Variants in VSIG10L2 observed in about 807,000 individuals in gnomAD.
The protein encoded by VSIG10L2 is V-set and immunoglobulin domain-containing protein 10-like 2.
In VSIG10L2, 56 loss-of-function variants were observed where a neutral mutation model predicts 67.1. The observed-to-expected ratio is 0.83, with a 90% CI of 0.67 to 1.04. The LOEUF (loss-of-function observed/expected upper bound fraction) is 1.04, where lower values mean the gene tolerates loss of function less well. VSIG10L2 is among the 50% of genes least tolerant of loss of function. VSIG10L2 has a pLI of 0.00. For synonymous variants in VSIG10L2, 360 were observed against 396.6 expected (o/e 0.91, Z 1.10); for missense variants, 843 against 932.8 (o/e 0.90, Z 1.25).
At chr11:125,952,152 G>A in intron 6 of VSIG10L2, 79 bp downstream of exon 6, 3 of 1,445,900 alleles carry the variant, frequency 2.1e-6, no homozygotes, top group Non-Finnish European at 2.7e-6. Flanking sequence ...AGAGATCTTA[G>A]GGGGTGGCTG....
At position 125,955,658 on chromosome 11, in the gene VSIG10L2, G is replaced by A; in HGVS notation, c.2275G>A (p.Ala759Thr). Residue 759 changes from alanine to threonine, a missense_variant, in exon 11 of 12, where the codon GCA (alanine) becomes ACA (threonine). Physicochemically the swap from Ala to Thr is moderately conservative, Grantham distance 58. Coordinates refer to ENST00000686984, the MANE Select transcript of VSIG10L2 (RefSeq NM_001365077.2). The part of the protein sequence containing the change: ...QQRGSREDAE[A>T]PAGLETPTTT... ...GAGGGGTTCCAGAGAAGATGCTGAG[G>A]CACCGGCAGGTAAGCACCTTATCCA... 6.5e-7 allele frequency: 1 copy of A among 1,532,894 alleles called. No homozygotes were observed. The allele number at this position is 1,532,894 out of a possible 1,614,324, so 95.0% of individuals were successfully genotyped here. A position where few individuals can be genotyped will look rare whatever the true frequency, so the allele number is the denominator to read the frequency against.
rs934676097 is a variant in VSIG10L2, at chr11:125,950,303, T to G, written c.985+14T>G. The G allele has an allele frequency of 2.4e-6, 3 of 1,232,044 alleles. No individual in the cohort carries two copies. In the African/African-American group the frequency reaches 4.7e-5, roughly 19 times the overall value. The allele number at this position is 1,232,044 out of a possible 1,614,324, so 76.3% of individuals were successfully genotyped here. ...TCACCATCTACTGTGAGTGTGGGGG[T>G]CGGGTGACGCCCAGACCTGTCCTGG... is the stretch of plus-strand genomic sequence containing the variant. On this transcript the variant is annotated intron_variant, in intron 4 of 11. Coordinates refer to ENST00000686984, the MANE Select transcript of VSIG10L2 (RefSeq NM_001365077.2).
chr11:125,946,193 C>A lies in VSIG10L2; in HGVS notation c.82+56C>A. The A allele has an allele frequency of 2.5e-6, 1 of 398,878 alleles. No homozygotes were observed. Among genetic ancestry groups the A allele is most frequent in the Non-Finnish European group, 4.4e-6 (1 of 226,100 alleles). 24.7% of individuals were successfully genotyped at this position (398,878 alleles called of 1,614,324 possible). A position where few individuals can be genotyped will look rare whatever the true frequency, so the allele number is the denominator to read the frequency against. The stretch of plus-strand genomic sequence containing the variant: ...CATTTCCCACTCCCATCCCATTATT[C>A]CTGCCACTTCCTGGGGGATCCTCCT... On this transcript the variant is annotated intron_variant, in intron 1 of 11. Coordinates refer to ENST00000686984, the MANE Select transcript of VSIG10L2 (RefSeq NM_001365077.2). This position sits in a 1 kb window ranked among gnomAD's most constrained non-coding sequence, Gnocchi z 4.4.
Position 125,953,315 on chromosome 11 carries a change from T to C in VSIG10L2, c.1496-85T>C, listed in dbSNP as rs542056376. On this transcript the variant is annotated intron_variant, in intron 6 of 11. Transcript: ENST00000686984. ...TCAACTCCGCAGCTCTCCCGCTCCA[T>C]CTCTTCTCCATGCCTTCCAATGCTG... 2.3e-5 allele frequency: 26 copies of C among 1,136,890 alleles called. No individual in the cohort carries two copies. The South Asian group carries it at 1.1e-3, about 49-fold the overall frequency. 70.4% of individuals were successfully genotyped at this position (1,136,890 alleles called of 1,614,324 possible).
At chr11:125,950,867 T>C in intron 4 of VSIG10L2, 43 bp from the exon 5 acceptor site, 2 of 1,232,352 alleles carry the variant, frequency 1.6e-6, no homozygotes, top group Non-Finnish European at 2.0e-6. Context: ...TGCAGGGCAC[T>C]GGCAGTGGAG....
At position 125,955,693 on chromosome 11, in the gene VSIG10L2, G is replaced by A. The variant is rs143572625; in HGVS notation, c.2284+26G>A. 8.2e-5 allele frequency: 125 copies of A among 1,528,722 alleles called. No individual in the cohort carries two copies. The African/African-American group carries it at 1.2e-3, about 15-fold the overall frequency. 94.7% of individuals were successfully genotyped at this position (1,528,722 alleles called of 1,614,324 possible). A position where few individuals can be genotyped will look rare whatever the true frequency, so the allele number is the denominator to read the frequency against. The stretch of plus-strand genomic sequence containing the variant: ...GTAAGCACCTTATCCAGAAAAAGAC[G>A]ACTCGTGTACAAGGAGACCAGTGCT... On this transcript the variant is annotated intron_variant, in intron 11 of 11. Transcript: ENST00000686984.
chr11:125,948,691 C>T (rs549872785), intron 3 of VSIG10L2, 111 bp downstream of exon 3: 48 of 1,152,224 alleles, frequency 4.2e-5, no homozygotes, highest in Middle Eastern at 3.3e-4. Flanking sequence ...AGGAGTGCCT[C>T]GCCCTCTAAA....
In VSIG10L2 at chr11:125,946,481, C is replaced by T. The variant is rs1945304224; in HGVS notation, c.82+344C>T. ...TAATCCAGGTGAGAGATGCTGGCAT[C>T]TTGGGCCAAAGCAATGTCCATGGGG... On this transcript the variant is annotated intron_variant, in intron 1 of 11. Transcript: ENST00000686984. This position sits in a 1 kb window ranked among gnomAD's most constrained non-coding sequence, Gnocchi z 4.4. Among the ~76,000 whole-genome samples, 1 of 151,832 alleles carries T rather than the reference C, an allele frequency of 6.6e-6. No homozygotes were observed. The highest frequency in any genetic ancestry group is 1.5e-5 in the Non-Finnish European group (1 of 67,986).
Position 125,956,145 on chromosome 11 carries a change from G to A in VSIG10L2, c.*231G>A. 1 of 658,476 alleles carries A rather than the reference G, an allele frequency of 1.5e-6. No homozygotes were observed. 40.8% of individuals were successfully genotyped at this position (658,476 alleles called of 1,614,324 possible). ...TGGAAGACAGAGGTGGCAGGACAAGGAAGAGGACCCACAATGGGGAGACAG... is the reference window on the plus strand; with the variant it reads ...TGGAAGACAGAGGTGGCAGGACAAGAAAGAGGACCCACAATGGGGAGACAG... On this transcript the variant is annotated 3_prime_UTR_variant, in exon 12 of 12. Transcript: ENST00000686984.
chr11:125,952,770 G>A (rs1175006482), intron 6 of VSIG10L2, among the ~76,000 whole-genome samples: 3 of 152,190 alleles, frequency 2.0e-5, no homozygotes, highest in Non-Finnish European at 4.4e-5. Context: ...AAATATCAAA[G>A]TAAAAAATAA....
rs371822360 is a variant in VSIG10L2, at chr11:125,954,287, C to G, written c.1987C>G (p.Arg663Gly). ...SDIEPESRGRRLGGLDPGVLY... is the reference protein window; with the variant it reads ...SDIEPESRGRGLGGLDPGVLY... ...CATCGAGCCAGAGAGCCGAGGACGG[C>G]GGCTGGGGGGCTTGGACCCCGGGGT... Residue 663 changes from arginine to glycine, a missense_variant, in exon 8 of 12, where the codon CGG becomes GGG. Coordinates refer to ENST00000686984, the MANE Select transcript of VSIG10L2 (RefSeq NM_001365077.2). 3 of 1,232,104 alleles carry G rather than the reference C, an allele frequency of 2.4e-6. No individual in the cohort carries two copies. The highest frequency in any genetic ancestry group is 4.1e-5 in the South Asian group (1 of 24,322). 76.3% of individuals were successfully genotyped at this position (1,232,104 alleles called of 1,614,324 possible).
chr11:125,948,222 C>T (rs1945320963), intron 2 of VSIG10L2, 83 bp from the exon 3 acceptor site: 2 of 1,231,802 alleles, frequency 1.6e-6, no homozygotes, highest in Admixed American at 4.2e-5. Context: ...GAGTCCCCAG[C>T]CAGCAGGGGT....
chr11:125,954,332 C>CT lies in VSIG10L2; in HGVS notation c.2033dup (p.Ala679GlyfsTer12). On this transcript the variant is annotated frameshift_variant, in exon 8 of 12. Coordinates refer to ENST00000686984, the MANE Select transcript of VSIG10L2 (RefSeq NM_001365077.2). LOFTEE classifies it high-confidence loss of function. ...CGGGGTCCTTTATGCCTTCCGCATC[C>CT]TGGCTCTGAATCACCACACTGCAGG... 1 of 1,232,080 alleles carries CT rather than the reference C, an allele frequency of 8.1e-7. No homozygotes were observed. The highest frequency in any genetic ancestry group is 3.2e-5 in the East Asian group (1 of 31,694). The allele number at this position is 1,232,080 out of a possible 1,614,324, so 76.3% of individuals were successfully genotyped here. A position where few individuals can be genotyped will look rare whatever the true frequency, so the allele number is the denominator to read the frequency against.
rs1332684065 is a variant in VSIG10L2 at position 125,955,499 on chromosome 11, G to C, written c.2224G>C (p.Val742Leu). 1.1e-6 allele frequency: 1 copy of C among 908,420 alleles called. No homozygotes were observed. The highest frequency in any genetic ancestry group is 1.7e-6 in the Non-Finnish European group (1 of 599,290). 56.3% of individuals were successfully genotyped at this position (908,420 alleles called of 1,614,324 possible). The change falls in exon 10 of 12, where the codon GTT (valine) becomes CTT (leucine). Residue 742 changes from valine (V) to leucine (L), a missense_variant. Val to Leu is a conservative substitution (Grantham distance 32). Coordinates refer to ENST00000686984, the MANE Select transcript of VSIG10L2 (RefSeq NM_001365077.2). ...ETFPRLGQLL[V>L]PTEQRHQQRG... is the part of the protein sequence containing the mutation. The stretch of plus-strand genomic sequence containing the variant: ...TCCTACAGGCCTTGGTCAATTGCTT[G>C]TTCCCACGTGAGTGTGGAACCCCAG...
Sources: gnomAD v4.1 joint callset for allele counts (sites outside exome capture counted in the v4.1 genomes callset) on GRCh38, gnomAD v4.1.1 for gene constraint, Gnocchi (gnomAD v3.1) non-coding constraint, MANE v1.5 for transcripts, NCBI Gene and HGNC (gene_info 2026-07-23, HGNC 2026-07-21) for gene names.